Variants in DHX36 observed in about 807,000 individuals in gnomAD.
DHX36 encodes the protein ATP-dependent DNA/RNA helicase DHX36.
In DHX36, 50 loss-of-function variants were observed where a neutral mutation model predicts 139.0. The ratio of observed to expected loss-of-function variants is 0.36; its 90% confidence interval spans 0.29 to 0.46. The LOEUF is 0.46. DHX36 is among the 20% of genes least tolerant of loss of function. The pLI is 1.00. For synonymous variants in DHX36, 425 were observed against 401.9 expected, an observed-to-expected ratio of 1.06 and a Z score of -0.69; for missense variants, 1,024 against 1,211.3, an observed-to-expected ratio of 0.85 and a Z score of 2.29.
At position 154,292,663 on chromosome 3, in the gene DHX36, C is replaced by T; in HGVS notation, c.1702G>A (p.Asp568Asn). The T allele has an allele frequency of 6.2e-7, 1 of 1,613,572 alleles. No homozygotes were observed. The highest frequency in any genetic ancestry group is 1.3e-5 in the African/African-American group (1 of 74,916). ...TGCGTCTCTTTTATTTTTCCTCCAT[C>T]TATCACATAAACGACATCATCTATG... ...ITIDDVVYVIDGGKIKETHFD... is the reference protein window; with the variant it reads ...ITIDDVVYVINGGKIKETHFD... The change falls in exon 15 of 25, where the codon GAT (aspartate) becomes AAT (asparagine). Residue 568 changes from aspartate (D) to asparagine (N), a missense_variant. Physicochemically the swap from Asp to Asn is conservative, Grantham distance 23 (BLOSUM62 1). Transcript: ENST00000496811.
intron 14 of DHX36, among the ~76,000 whole-genome samples, chr3:154,293,341 A>G (rs1177441658): frequency 6.6e-6 from 1 of 152,120 alleles, no homozygotes; most frequent in East Asian, 1.9e-4. Context: ...GCACTTTGGG[A>G]GGTTGAGGTA....
chr3:154,300,584 T>A lies in DHX36; in HGVS notation c.1461+10A>T, dbSNP rs546935572. The A allele has an allele frequency of 5.7e-5, 91 of 1,602,208 alleles. No individual in the cohort carries two copies. In the South Asian group the frequency reaches 9.8e-4, roughly 17 times the overall value. On this transcript the variant is annotated intron_variant, in intron 11 of 24. Transcript: ENST00000496811. ...ATTATGTTAACTGAAGAAAGAAAAATAAAACTAACCTCTTCTTCCAAAACA... is the reference window on the plus strand; with the variant it reads ...ATTATGTTAACTGAAGAAAGAAAAAAAAAACTAACCTCTTCTTCCAAAACA...
Position 154,286,094 on chromosome 3 carries a change from T to C in DHX36, c.2032-1107A>G, listed in dbSNP as rs139710419. Among the ~76,000 whole-genome samples the C allele has an allele frequency of 5.7e-3, 825 of 145,196 alleles. 7 individuals carry two copies. Among genetic ancestry groups the C allele is most frequent in the African/African-American group, 0.02 (798 of 39,164 alleles). ...TAATCTCATCAGAAGCAGAAGATATTTGATAAAACTGATTATCCATACAAG... is the reference window on the plus strand; with the variant it reads ...TAATCTCATCAGAAGCAGAAGATATCTGATAAAACTGATTATCCATACAAG... On this transcript the variant is annotated intron_variant, in intron 17 of 24. Coordinates refer to ENST00000496811, the MANE Select transcript of DHX36 (RefSeq NM_020865.3).
At chr3:154,281,347 C>T (rs1378701464) in intron 20 of DHX36, among the ~76,000 whole-genome samples, 3 of 151,458 alleles carry the variant, frequency 2.0e-5, no homozygotes, top group Admixed American at 2.0e-4. Context: ...TTAAAAATGG[C>T]AGGTAAGCTT....
At chr3:154,311,876 T>A in intron 3 of DHX36, 1 of 442,776 alleles carries the variant, frequency 2.3e-6, no homozygotes, top group East Asian at 3.7e-5. Flanking sequence ...CTCCATTACA[T>A]CCAGCAAAAT....
chr3:154,292,816 T>A lies in DHX36; in HGVS notation c.1671-122A>T, dbSNP rs1711879441. 7 of 1,425,608 alleles carry A rather than the reference T, an allele frequency of 4.9e-6. No individual in the cohort carries two copies. In the East Asian group the frequency reaches 9.9e-5, roughly 20 times the overall value. 88.3% of individuals were successfully genotyped at this position (1,425,608 alleles called of 1,614,324 possible). ...AATAAATAGGTATTTCAGAGCATTTTTTTTTTATTACATCAAATGATTTTA... is the reference window on the plus strand; with the variant it reads ...AATAAATAGGTATTTCAGAGCATTTATTTTTTATTACATCAAATGATTTTA... On this transcript the variant is annotated intron_variant, in intron 14 of 24. Coordinates refer to ENST00000496811, the MANE Select transcript of DHX36 (RefSeq NM_020865.3).
chr3:154,276,000 A>G lies in DHX36; in HGVS notation c.*171T>C, dbSNP rs113647894. On this transcript the variant is annotated 3_prime_UTR_variant, in exon 25 of 25. Coordinates refer to ENST00000496811, the MANE Select transcript of DHX36 (RefSeq NM_020865.3). ...ATGGTATATATATATATATATATAT[A>G]TCTCTACATATAACATCAAGTCATG... 7.6e-6 allele frequency: 3 copies of G among 396,498 alleles called. No individual in the cohort carries two copies. Among genetic ancestry groups the G allele is most frequent in the Non-Finnish European group, 1.3e-5 (3 of 227,674 alleles). The allele number at this position is 396,498 out of a possible 1,614,324, so 24.6% of individuals were successfully genotyped here. A position where few individuals can be genotyped will look rare whatever the true frequency, so the allele number is the denominator to read the frequency against.
intron 17 of DHX36, 107 bp from the exon 18 acceptor site, chr3:154,285,094 G>A: frequency 8.8e-7 from 1 of 1,135,286 alleles, no homozygotes; most frequent in Non-Finnish European, 1.3e-6. Context: ...TCTCTTCTAA[G>A]TCCAAATGCC....
rs762113632 is a variant in DHX36 at position 154,304,985 on chromosome 3, T to C, written c.969-13A>G. ...ACTGGACAAATACCTAAGGCAGAAGTGTGAAGTACAAAATTTTAAAACCAT... is the reference window on the plus strand; with the variant it reads ...ACTGGACAAATACCTAAGGCAGAAGCGTGAAGTACAAAATTTTAAAACCAT... On this transcript the variant is annotated splice_polypyrimidine_tract_variant and intron_variant, in intron 7 of 24. Transcript: ENST00000496811. 3 of 1,596,796 alleles carry C rather than the reference T, an allele frequency of 1.9e-6. No individual in the cohort carries two copies. The highest frequency in any genetic ancestry group is 1.8e-5 in the Admixed American group (1 of 55,166).
At chr3:154,316,907 G>C (rs1386216183) in intron 1 of DHX36, among the ~76,000 whole-genome samples, 1 of 151,898 alleles carries the variant, frequency 6.6e-6, no homozygotes, top group Non-Finnish European at 1.5e-5. Context: ...CAAAATTTAT[G>C]GGACTACAAA....
chr3:154,303,672 G>A (rs1183210868), intron 8 of DHX36, among the ~76,000 whole-genome samples: 1 of 152,090 alleles, frequency 6.6e-6, no homozygotes, highest in African/African-American at 2.4e-5. Flanking sequence ...AAAGAATAGA[G>A]TTTTAAGTTG....
chr3:154,293,658 G>C (rs1253079477), intron 14 of DHX36, 90 bp downstream of exon 14: 2 of 932,818 alleles, frequency 2.1e-6, no homozygotes, highest in Non-Finnish European at 3.4e-6. Context: ...CAAGGTATAT[G>C]GTAGAGAAAA....
rs140396402 is a variant in DHX36 at position 154,313,215 on chromosome 3, C to T, written c.604-1541G>A. Among the ~76,000 whole-genome samples the T allele has an allele frequency of 7.2e-4, 110 of 152,034 alleles. 1 individual carries two copies. The East Asian group carries it at 0.02, about 28-fold the overall frequency. ...CACTGCATTTCAAACTGGCATTAAT[C>T]GTATTTGCTTTATACATGTAAATGC... On this transcript the variant is annotated intron_variant, in intron 3 of 24. Transcript: ENST00000496811.
At chr3:154,321,703 A>G (rs1420673785) in intron 1 of DHX36, among the ~76,000 whole-genome samples, 4 of 152,222 alleles carry the variant, frequency 2.6e-5, no homozygotes, top group Middle Eastern at 3.2e-3. Context: ...TCACGCCTGT[A>G]ATCCCAGCAC....
At chr3:154,280,475 A>T in intron 22 of DHX36, 104 bp downstream of exon 22, 1 of 810,052 alleles carries the variant, frequency 1.2e-6, no homozygotes, top group Non-Finnish European at 2.0e-6. Context: ...TATAACCCAC[A>T]TATGAATAAG....
chr3:154,284,868 T>C lies in DHX36; in HGVS notation c.2151A>G (p.Pro717=). ...TGAGACTAGCAGCAATAGTGAGTAC[T>C]GGGTCTAAGCAGCAGAACAGTGCTC... ...LFGALFCCLD[P]VLTIAASLSF... Residue 717 remains proline (P), a synonymous_variant, in exon 18 of 25, where the codon CCA becomes CCG. Transcript: ENST00000496811. 1 of 1,614,172 alleles carries C rather than the reference T, an allele frequency of 6.2e-7. No homozygotes were observed. Among genetic ancestry groups the C allele is most frequent in the Non-Finnish European group, 8.5e-7 (1 of 1,180,026 alleles).
rs551871014 is a variant in DHX36, at chr3:154,321,585, C to T, written c.243+2589G>A. 2.0e-5 allele frequency among the ~76,000 whole-genome samples: 3 copies of T among 152,292 alleles called. No homozygotes were observed. The South Asian group carries it at 6.2e-4, about 32-fold the overall frequency. The stretch of plus-strand genomic sequence containing the variant: ...ATCTATTTTATTAATTAATACAGTG[C>T]TTAAGATACTGTCACAAAAATAATG... On this transcript the variant is annotated intron_variant, in intron 1 of 24. Coordinates refer to ENST00000496811, the MANE Select transcript of DHX36 (RefSeq NM_020865.3).
chr3:154,315,993 A>G, intron 2 of DHX36, 46 bp downstream of exon 2: 1 of 1,563,836 alleles, frequency 6.4e-7, no homozygotes, highest in South Asian at 1.2e-5. Flanking sequence ...TTATTATTAA[A>G]GTGTTACTCT....
intron 22 of DHX36, chr3:154,278,381 T>A (rs1719222187): frequency 6.6e-6 from 1 of 152,132 alleles, no homozygotes; most frequent in Non-Finnish European, 1.5e-5. Context: ...AATTTATTTT[T>A]AAATAGTTAA....
Sources: gnomAD v4.1 joint callset for allele counts (sites outside exome capture counted in the v4.1 genomes callset) on GRCh38, gnomAD v4.1.1 for gene constraint, MANE v1.5 for transcripts, NCBI Gene and HGNC (gene_info 2026-07-23, HGNC 2026-07-21) for gene names.